Variants in POLE observed in about 807,000 individuals in gnomAD.
POLE encodes the protein DNA polymerase epsilon, catalytic subunit.
In POLE, 188 loss-of-function variants were observed where a neutral mutation model predicts 279.2. That is an observed-to-expected ratio of 0.67 (90% confidence interval 0.60 to 0.76). POLE has a LOEUF of 0.76. Ranked by LOEUF, POLE falls within the 30% of genes least tolerant of loss-of-function variation. The pLI is 0.00. For synonymous variants in POLE, 1,214 were observed against 1,172.5 expected (o/e 1.04, Z -0.72); for missense variants, 2,703 against 3,016.7 (o/e 0.90, Z 2.44).
intron 41 of POLE, among the ~76,000 whole-genome samples, 200 bp from the exon 42 acceptor site, chr12:132,636,224 G>A (rs1365046000): frequency 6.6e-6 from 1 of 152,124 alleles, no homozygotes; most frequent in Admixed American, 6.5e-5. Flanking sequence ...GCCCCTGGGA[G>A]CTGGCGCCAC....
At chr12:132,669,149 A>G (rs979136399) in intron 16 of POLE, among the ~76,000 whole-genome samples, 12 of 152,082 alleles carry the variant, frequency 7.9e-5, no homozygotes, top group Admixed American at 2.6e-4. Flanking sequence ...TTACTTGAAC[A>G]CTAAACTCTC....
rs769882912 is a variant in POLE at position 132,679,614 on chromosome 12, C to T, written c.461G>A (p.Arg154Lys). The T allele has an allele frequency of 1.1e-4, 180 of 1,612,932 alleles. No homozygotes were observed. The highest frequency in any genetic ancestry group is 1.5e-4 in the Non-Finnish European group (175 of 1,179,026). ...ATCCTCCACAGTGTGGAAGGACAGC[C>T]TGATGTAATTTCGCTTCAAACCCAC... ...HLVGLKRNYI[R>K]LSFHTVEDLV... Residue 154 changes from arginine (R) to lysine (K), a missense_variant, in exon 6 of 49, where the codon AGG becomes AAG. Arg to Lys is a conservative substitution (Grantham distance 26, BLOSUM62 2). Coordinates refer to ENST00000320574, the MANE Select transcript of POLE (RefSeq NM_006231.4).
intron 25 of POLE, 195 bp from the exon 26 acceptor site, chr12:132,659,704 T>C (rs985812801): frequency 3.5e-6 from 2 of 575,646 alleles, no homozygotes; most frequent in Non-Finnish European, 6.2e-6. Flanking sequence ...GCTTTTATAT[T>C]TTTTTTGAGA....
chr12:132,670,439 G>A lies in POLE; in HGVS notation c.1795-1500C>T, dbSNP rs929463011. 2.6e-5 allele frequency among the ~76,000 whole-genome samples: 4 copies of A among 151,280 alleles called. No individual in the cohort carries two copies. The South Asian group carries it at 6.3e-4, about 24-fold the overall frequency. ...TTTTTTTGTATTTTTAGTAGAGACG[G>A]GGTTTCTCCATGTTGGCCAGGCTGG... On this transcript the variant is annotated intron_variant, in intron 16 of 48. Transcript: ENST00000320574.
intron 45 of POLE, among the ~76,000 whole-genome samples, chr12:132,631,287 G>A (rs1371858536): frequency 6.6e-6 from 1 of 152,216 alleles, no homozygotes; most frequent in Non-Finnish European, 1.5e-5. Flanking sequence ...AAGGGTGTCA[G>A]GTGAGGAGGG....
chr12:132,639,124 C>T lies in POLE; in HGVS notation c.5552+1G>A, dbSNP rs1555221894. On this transcript the variant is annotated splice_donor_variant, in intron 40 of 48. Transcript: ENST00000320574. LOFTEE classifies it high-confidence loss of function. The surrounding 1 kb of genome is among the most constrained non-coding windows in gnomAD (Gnocchi z 4.7). ...ACAGCCCAGGGAGGAGGAGCACTCA[C>T]TGCAGGAAGAGCTTCTTCATCATGT... is the stretch of plus-strand genomic sequence containing the variant. 1 of 1,613,992 alleles carries T rather than the reference C, an allele frequency of 6.2e-7. No homozygotes were observed. The highest frequency in any genetic ancestry group is 2.2e-5 in the East Asian group (1 of 44,874).
chr12:132,679,805 G>T, intron 5 of POLE, 149 bp downstream of exon 5: 1 of 995,582 alleles, frequency 1.0e-6, no homozygotes, highest in Non-Finnish European at 1.5e-6. Context: ...AACACCACTA[G>T]AGCTCTTTGG....
Position 132,687,332 on chromosome 12 carries a change from A to C in POLE, c.-17T>G. 1 of 1,491,928 alleles carries C rather than the reference A, an allele frequency of 6.7e-7. No homozygotes were observed. 92.4% of individuals were successfully genotyped at this position (1,491,928 alleles called of 1,614,324 possible). ...CAGAGACATGGAGCCGTTGGCTACC[A>C]CCTCTGCTTCAGGGGAGAAATTTGG... is the stretch of plus-strand genomic sequence containing the variant. On this transcript the variant is annotated 5_prime_UTR_variant, in exon 1 of 49. Coordinates refer to ENST00000320574, the MANE Select transcript of POLE (RefSeq NM_006231.4).
Position 132,672,274 on chromosome 12 carries a change from G to T in POLE, c.1735C>A (p.Arg579Ser). The T allele has an allele frequency of 6.2e-7, 1 of 1,614,156 alleles. No homozygotes were observed. Among genetic ancestry groups the T allele is most frequent in the Non-Finnish European group, 8.5e-7 (1 of 1,180,014 alleles). ...FLLQRVEKTL[R>S]HALEEEEKVP... ...TTCTCCTCTTCCTCAAGGGCGTGGC[G>T]CAAGGTCTTCTCAACCCGCTGCAGC... Residue 579 changes from arginine to serine, a missense_variant, in exon 16 of 49, where the codon CGC becomes AGC. Physicochemically the swap from Arg to Ser is moderately radical, Grantham distance 110. Around this residue, in one of 5 missense-constraint regions of POLE, gnomAD observed 1,011 missense variants for 1,111.7 expected, o/e 0.91. Coordinates refer to ENST00000320574, the MANE Select transcript of POLE (RefSeq NM_006231.4).
chr12:132,662,535 C>A (rs1324044380), intron 23 of POLE, among the ~76,000 whole-genome samples: 1 of 152,208 alleles, frequency 6.6e-6, no homozygotes, highest in East Asian at 1.9e-4. Flanking sequence ...GCGTGCGTTA[C>A]TAGAGACATA....
At chr12:132,648,815 T>C (rs2042345964) in intron 32 of POLE, 114 bp downstream of exon 32, 1 of 1,174,080 alleles carries the variant, frequency 8.5e-7, no homozygotes, top group Non-Finnish European at 1.2e-6. Context: ...GAGGAATTCC[T>C]AGAACATCCC....
intron 45 of POLE, among the ~76,000 whole-genome samples, 188 bp from the exon 46 acceptor site, chr12:132,626,505 T>TG (rs2041842949): frequency 6.6e-6 from 1 of 152,216 alleles, no homozygotes; most frequent in South Asian, 2.1e-4. Flanking sequence ...CAGGCTTCCC[T>TG]GGGGAATTTA....
At chr12:132,679,430 G>T in intron 6 of POLE, 67 bp downstream of exon 6, 1 of 1,486,446 alleles carries the variant, frequency 6.7e-7, no homozygotes, top group Non-Finnish European at 9.2e-7. Context: ...GTTGCTACGT[G>T]TTCCTGTCTC....
chr12:132,639,540 C>CCT lies in POLE; in HGVS notation c.5379-243_5379-242insAG, dbSNP rs2042099848. ...AAACTTGTTCAGGCTTCACCGCATC[C>CCT]CAAACTCTGTGTGTTCTAAAGCAGG... On this transcript the variant is annotated intron_variant, in intron 39 of 48. Transcript: ENST00000320574. This position sits in a 1 kb window ranked among gnomAD's most constrained non-coding sequence, Gnocchi z 4.7. Among the ~76,000 whole-genome samples, 4 of 152,190 alleles carry CCT rather than the reference C, an allele frequency of 2.6e-5. No homozygotes were observed. The South Asian group carries it at 8.3e-4, about 32-fold the overall frequency.
chr12:132,680,245 C>G (rs778845627), intron 3 of POLE, 23 bp from the exon 4 acceptor site: 1 of 1,605,732 alleles, frequency 6.2e-7, no homozygotes, highest in Non-Finnish European at 8.5e-7. Context: ...ACCAACCCAT[C>G]CAGGGGTGAT....
intron 6 of POLE, 87 bp downstream of exon 6, chr12:132,679,410 A>C: frequency 7.6e-7 from 1 of 1,313,866 alleles, no homozygotes; most frequent in South Asian, 1.4e-5. Flanking sequence ...CCAGCCATTA[A>C]GGTAACTTTG....
intron 14 of POLE, 41 bp from the exon 15 acceptor site, chr12:132,672,880 A>C: frequency 1.9e-6 from 3 of 1,551,778 alleles, no homozygotes; most frequent in Non-Finnish European, 2.7e-6. Flanking sequence ...AGCAACACCA[A>C]AGGCCCTGAC....
Position 132,639,332 on chromosome 12 carries a change from T to C in POLE, c.5379-34A>G. ...GAAGGTGCACGACACCCTCGTACCC[T>C]CAGCCTCCCACGCTGCTGCCACGCG... On this transcript the variant is annotated intron_variant, in intron 39 of 48. Coordinates refer to ENST00000320574, the MANE Select transcript of POLE (RefSeq NM_006231.4). This position sits in a 1 kb window ranked among gnomAD's most constrained non-coding sequence, Gnocchi z 4.7. 6.2e-7 allele frequency: 1 copy of C among 1,605,044 alleles called. No homozygotes were observed. The highest frequency in any genetic ancestry group is 1.1e-5 in the South Asian group (1 of 90,532).
At chr12:132,686,986 G>C (rs1565986160) in intron 1 of POLE, among the ~76,000 whole-genome samples, 1 of 151,586 alleles carries the variant, frequency 6.6e-6, no homozygotes, top group Non-Finnish European at 1.5e-5. Flanking sequence ...GGAAGGCGAG[G>C]CCCGAAAAAC....
Sources: gnomAD v4.1 joint callset for allele counts (sites outside exome capture counted in the v4.1 genomes callset) on GRCh38, gnomAD v4.1.1 for gene constraint, gnomAD v4.1.1 regional missense constraint, Gnocchi (gnomAD v3.1) non-coding constraint, MANE v1.5 for transcripts, NCBI Gene and HGNC (gene_info 2026-07-23, HGNC 2026-07-21) for gene names.